DPH6: variants seen among roughly 807,000 people sequenced by gnomAD.
DPH6 encodes diphthine--ammonia ligase.
DPH6 carries 33 observed loss-of-function variants against 38.2 expected under a neutral mutation model. The observed-to-expected ratio is 0.86, with a 90% CI of 0.65 to 1.15. DPH6 has a LOEUF of 1.15. DPH6 is among the 50% of genes most tolerant of loss of function. The pLI is 0.00. For synonymous variants in DPH6, 108 were observed against 103.0 expected (o/e 1.05, Z -0.30); for missense variants, 325 against 320.0 (o/e 1.02, Z -0.12).
rs573812726 is a variant in DPH6, at chr15:35,295,080, G to A, written n.201-74498C>T. Among the ~76,000 whole-genome samples, 27 of 152,174 alleles carry A rather than the reference G, an allele frequency of 1.8e-4. 1 individual carries two copies. Among genetic ancestry groups the A allele is most frequent in the African/African-American group, 5.3e-4 (22 of 41,518 alleles). Reference sequence around the variant, plus strand: ...TGCTCTTCCTTAACTAACACACAACGATCTCACCTCTACGAACTAGCTAAG... The same window carrying A: ...TGCTCTTCCTTAACTAACACACAACAATCTCACCTCTACGAACTAGCTAAG... On this transcript the variant is annotated intron_variant and non_coding_transcript_variant, in intron 3 of 3. Coordinates refer to the DPH6 transcript ENST00000560386.
At chr15:35,367,469 T>TTA (rs1274146160), downstream of DPH6, among the ~76,000 whole-genome samples, 1 of 151,902 alleles carries the variant, frequency 6.6e-6, no homozygotes, top group Non-Finnish European at 1.5e-5. Flanking sequence ...TCTGATTGAT[T>TTA]TATGTAAAGC....
chr15:35,413,074 G>C (rs542556985), intron 5 of DPH6, among the ~76,000 whole-genome samples: 1 of 151,422 alleles, frequency 6.6e-6, no homozygotes, highest in South Asian at 2.1e-4. Context: ...GAGGTCATGC[G>C]GTATGGGGTC....
At chr15:35,309,411 A>ATT (rs2140820604) in intron 3 of DPH6, among the ~76,000 whole-genome samples, 1 of 152,336 alleles carries the variant, frequency 6.6e-6, no homozygotes, top group South Asian at 2.1e-4. Flanking sequence ...AGAATGACTG[A>ATT]TTGTGGCAAT....
intron 3 of DPH6, among the ~76,000 whole-genome samples, chr15:35,267,658 G>T (rs1595453688): frequency 6.6e-6 from 1 of 152,134 alleles, no homozygotes; most frequent in South Asian, 2.1e-4. Context: ...TAGCCTGATG[G>T]TTTCAGACAC....
chr15:35,311,703 T>C (rs1249236613), intron 3 of DPH6, among the ~76,000 whole-genome samples: 1 of 152,166 alleles, frequency 6.6e-6, no homozygotes, highest in African/African-American at 2.4e-5. Flanking sequence ...CTTGAAACAA[T>C]GATTAAATGA....
intron 6 of DPH6, among the ~76,000 whole-genome samples, chr15:35,399,008 A>T (rs747032797): frequency 6.6e-5 from 10 of 152,154 alleles, no homozygotes; most frequent in Non-Finnish European, 1.3e-4. Flanking sequence ...CAGGGTCAAA[A>T]AGCCCCATCC....
chr15:35,359,836 A>C (rs1482890458), intron 3 of DPH6, among the ~76,000 whole-genome samples: 1 of 152,006 alleles, frequency 6.6e-6, no homozygotes, highest in Non-Finnish European at 1.5e-5. Flanking sequence ...CTTCAGTTCC[A>C]GGATTTCCAT....
intron 3 of DPH6, among the ~76,000 whole-genome samples, chr15:35,288,273 G>A (rs1021977348): frequency 1.3e-5 from 2 of 152,010 alleles, no homozygotes; most frequent in African/African-American, 2.4e-5. Flanking sequence ...AAACACACAC[G>A]TATTTTCCAA....
chr15:35,433,912 A>G (rs2053662636), intron 5 of DPH6, among the ~76,000 whole-genome samples: 1 of 152,142 alleles, frequency 6.6e-6, no homozygotes, highest in Non-Finnish European at 1.5e-5. Context: ...TTGGGCCCTT[A>G]ATATATGTGT....
At chr15:35,158,785 TA>T in the DPH6 span, among the ~76,000 whole-genome samples, 1 of 151,958 alleles carries the variant, frequency 6.6e-6, no homozygotes, top group Non-Finnish European at 1.5e-5. Context: ...CTGGAAATGA[TA>T]AAAAGAAAAA....
At chr15:35,315,091 T>C (rs564624416) in intron 3 of DPH6, among the ~76,000 whole-genome samples, 2 of 152,266 alleles carry the variant, frequency 1.3e-5, no homozygotes, top group Admixed American at 6.5e-5. Context: ...GAAGCTGGCA[T>C]TGGTCAACAG....
At chr15:35,189,322 C>T in the DPH6 span, among the ~76,000 whole-genome samples, 1 of 152,124 alleles carries the variant, frequency 6.6e-6, no homozygotes, top group East Asian at 1.9e-4. Flanking sequence ...GGTAACTTGT[C>T]AGATTATTTG....
intron 3 of DPH6, among the ~76,000 whole-genome samples, chr15:35,526,852 T>C (rs747691490): frequency 6.6e-6 from 1 of 152,140 alleles, no homozygotes; most frequent in East Asian, 1.9e-4. Flanking sequence ...ACCCTCTTTA[T>C]CTCCTTTTGA....
At chr15:35,523,031 T>C (rs1355882341) in intron 3 of DPH6, among the ~76,000 whole-genome samples, 1 of 152,078 alleles carries the variant, frequency 6.6e-6, no homozygotes, top group African/African-American at 2.4e-5. Flanking sequence ...ATTATTTCCT[T>C]AGTTATAAAT....
the DPH6 span, among the ~76,000 whole-genome samples, chr15:35,158,311 G>A: frequency 6.6e-6 from 1 of 152,088 alleles, no homozygotes; most frequent in Non-Finnish European, 1.5e-5. Flanking sequence ...GCATTTGGGG[G>A]AGAAGGTATC....
the DPH6 span, among the ~76,000 whole-genome samples, chr15:35,204,139 G>A: frequency 6.6e-6 from 1 of 151,584 alleles, no homozygotes; most frequent in Non-Finnish European, 1.5e-5. Context: ...CACCATAGTT[G>A]ACAGGCTGCT....
intron 3 of DPH6, among the ~76,000 whole-genome samples, chr15:35,306,592 T>C (rs374759697): frequency 3.9e-5 from 6 of 152,256 alleles, no homozygotes; most frequent in South Asian, 2.1e-4. Context: ...ACACAAATTG[T>C]ACCACGTCTC....
At chr15:35,456,428 T>C (rs1280404884) in intron 3 of DPH6, among the ~76,000 whole-genome samples, 2 of 149,456 alleles carry the variant, frequency 1.3e-5, no homozygotes, top group African/African-American at 2.4e-5. Flanking sequence ...AAAGCCACTG[T>C]TGTTTTCTTC....
chr15:35,162,143 A>G, the DPH6 span, among the ~76,000 whole-genome samples: 1 of 151,964 alleles, frequency 6.6e-6, no homozygotes, highest in Non-Finnish European at 1.5e-5. Flanking sequence ...CATTGTTAGC[A>G]TAAACTACAG....
Sources: allele counts gnomAD v4.1 joint callset (sites outside exome capture counted in the v4.1 genomes callset), GRCh38; gene constraint gnomAD v4.1.1; transcripts MANE v1.5; gene names NCBI Gene and HGNC (gene_info 2026-07-23, HGNC 2026-07-21).